AGMO: variants seen among roughly 807,000 people sequenced by gnomAD.
AGMO encodes alkylglycerol monooxygenase, also known as glyceryl-ether monooxygenase.
In AGMO, 75 loss-of-function variants were observed where a neutral mutation model predicts 60.2. The ratio of observed to expected loss-of-function variants is 1.25; its 90% CI spans 1.03 to 1.51. AGMO has a LOEUF of 1.51. Ranked by LOEUF, AGMO falls within the 40% of genes most tolerant of loss-of-function variation. The pLI is 0.00. For missense variants in AGMO, 763 were observed against 525.5 expected (o/e 1.45, Z -4.42); for synonymous variants, 261 against 177.1 (o/e 1.47, Z -3.76).
intron 11 of AGMO, 74 bp downstream of exon 11, chr7:15,366,066 T>G (rs371354292): frequency 3.7e-6 from 4 of 1,077,514 alleles, no homozygotes; most frequent in Non-Finnish European, 5.5e-6. Flanking sequence ...CATAATATAC[T>G]GGTATTTTAC....
downstream of AGMO, among the ~76,000 whole-genome samples, chr7:15,198,348 G>T (rs759403119): frequency 2.6e-5 from 4 of 151,890 alleles, no homozygotes; most frequent in Non-Finnish European, 5.9e-5. Context: ...AATAATAGCT[G>T]TATGTTCTGT....
chr7:15,223,525 C>G (rs1422411864), intron 12 of AGMO, among the ~76,000 whole-genome samples: 1 of 151,880 alleles, frequency 6.6e-6, no homozygotes, highest in African/African-American at 2.4e-5. Flanking sequence ...AAAGAACAGA[C>G]ACATTTATAG....
In AGMO at chr7:15,335,934, G is replaced by A. The variant is rs556912431; in HGVS notation, c.1263+29580C>T. ...CCATTGTTTAAAACTAATCCAGAGA[G>A]AAATCAGTTTAACTTTGTAATATAT... On this transcript the variant is annotated intron_variant, in intron 12 of 12. Coordinates refer to ENST00000342526, the MANE Select transcript of AGMO (RefSeq NM_001004320.2). 2.0e-5 allele frequency among the ~76,000 whole-genome samples: 3 copies of A among 152,218 alleles called. No individual in the cohort carries two copies. In the South Asian group the frequency reaches 6.2e-4, roughly 32 times the overall value.
intron 12 of AGMO, among the ~76,000 whole-genome samples, chr7:15,293,420 G>GT (rs1784329401): frequency 1.3e-5 from 2 of 152,134 alleles, no homozygotes; most frequent in Non-Finnish European, 2.9e-5. Flanking sequence ...GAATATGTGG[G>GT]TAGGGGGATA....
intron 12 of AGMO, among the ~76,000 whole-genome samples, chr7:15,348,904 T>C (rs1432926105): frequency 6.6e-6 from 1 of 152,000 alleles, no homozygotes; most frequent in African/African-American, 2.4e-5. Flanking sequence ...ATAGTGTCAC[T>C]AATAAAAAAG....
At chr7:15,126,209 A>G in the AGMO span, among the ~76,000 whole-genome samples, 1 of 152,160 alleles carries the variant, frequency 6.6e-6, no homozygotes, top group Non-Finnish European at 1.5e-5. Context: ...TTCATAAAAA[A>G]TACTTAAACT....
chr7:15,151,505 T>C, the AGMO span, among the ~76,000 whole-genome samples: 13 of 152,180 alleles, frequency 8.5e-5, no homozygotes, highest in African/African-American at 3.1e-4. Context: ...TTCTGGTATA[T>C]TGTACTTTGT....
chr7:15,531,225 T>G (rs191471741), intron 3 of AGMO, among the ~76,000 whole-genome samples: 50 of 89,722 alleles, frequency 5.6e-4, no homozygotes, highest in African/African-American at 2.2e-3. Context: ...TCTATATATA[T>G]TCTATATATA....
intron 3 of AGMO, among the ~76,000 whole-genome samples, chr7:15,443,040 C>T (rs73682006): frequency 6.6e-6 from 1 of 152,116 alleles, no homozygotes; most frequent in Admixed American, 6.5e-5. Flanking sequence ...CACTCCATCT[C>T]CCCTCTGGCT....
At chr7:15,528,323 CA>C (rs572780701) in intron 3 of AGMO, among the ~76,000 whole-genome samples, 13 of 151,544 alleles carry the variant, frequency 8.6e-5, no homozygotes, top group African/African-American at 2.9e-4. Flanking sequence ...CTCTAGGAAA[CA>C]AAAAAAATTG....
At chr7:15,456,552 G>C (rs1583571576) in intron 3 of AGMO, among the ~76,000 whole-genome samples, 1 of 152,192 alleles carries the variant, frequency 6.6e-6, no homozygotes, top group East Asian at 1.9e-4. Flanking sequence ...AAGATCAGGG[G>C]ATCTTCTAGT....
chr7:15,561,644 A>G, intron 1 of AGMO, 76 bp downstream of exon 1: 1 of 1,362,314 alleles, frequency 7.3e-7, no homozygotes, highest in Non-Finnish European at 9.9e-7. Flanking sequence ...AGTGAACAAA[A>G]CCCTAAGGAG....
the AGMO span, among the ~76,000 whole-genome samples, chr7:15,118,389 C>A: frequency 2.2e-4 from 34 of 152,086 alleles, no homozygotes; most frequent in African/African-American, 7.2e-4. Flanking sequence ...TCCATTTACA[C>A]TGACAGAGAA....
chr7:15,164,517 C>G, the AGMO span, among the ~76,000 whole-genome samples: 5 of 151,942 alleles, frequency 3.3e-5, no homozygotes, highest in African/African-American at 1.2e-4. Context: ...CTATAAATAA[C>G]TCAAAAAACT....
chr7:15,155,851 A>G, the AGMO span, among the ~76,000 whole-genome samples: 4 of 152,186 alleles, frequency 2.6e-5, no homozygotes, highest in East Asian at 7.7e-4. Context: ...TTGAGTGTGG[A>G]ATAAGTTGCC....
chr7:15,323,893 A>G (rs1217738846), intron 12 of AGMO, among the ~76,000 whole-genome samples: 1 of 152,204 alleles, frequency 6.6e-6, no homozygotes, highest in Non-Finnish European at 1.5e-5. Context: ...ACTGCAAGCA[A>G]GGGTTTGAAA....
At chr7:15,446,406 C>A (rs369014789) in intron 3 of AGMO, among the ~76,000 whole-genome samples, 12 of 151,994 alleles carry the variant, frequency 7.9e-5, no homozygotes, top group Non-Finnish European at 1.5e-4. Context: ...CCAAAAAAAA[C>A]CCCAGCTCTC....
chr7:15,248,896 A>G (rs1456179136), intron 12 of AGMO, among the ~76,000 whole-genome samples: 2 of 152,178 alleles, frequency 1.3e-5, no homozygotes, highest in East Asian at 3.8e-4. Context: ...AAAACGTCCT[A>G]TTTTACTCTC....
chr7:15,355,504 CAAAAAA>C (rs56695710), intron 12 of AGMO, among the ~76,000 whole-genome samples: 1 of 81,734 alleles, frequency 1.2e-5, no homozygotes, highest in Non-Finnish European at 2.2e-5. Flanking sequence ...GACTCTGTCT[CAAAAAA>C]AAAAAAAAAA....
Sources: gnomAD v4.1 joint callset for allele counts (sites outside exome capture counted in the v4.1 genomes callset) on GRCh38, gnomAD v4.1.1 for gene constraint, MANE v1.5 for transcripts, NCBI Gene and HGNC (gene_info 2026-07-23, HGNC 2026-07-21) for gene names.